Variants in EEPD1 observed in about 807,000 individuals in gnomAD.
EEPD1 encodes the protein endonuclease/exonuclease/phosphatase family domain containing 1.
A neutral mutation model predicts 46.3 loss-of-function variants in EEPD1; 17 were observed. That is an observed-to-expected ratio of 0.37 (90% CI 0.25 to 0.55). The LOEUF (loss-of-function observed/expected upper bound fraction) is 0.55, where lower values mean the gene tolerates loss of function less well. Ranked by LOEUF, EEPD1 falls within the 20% of genes least tolerant of loss-of-function variation. The probability of loss-of-function intolerance (pLI) is 0.83; values close to 1 mark genes in which losing one functional copy is unlikely to be tolerated. For missense variants in EEPD1, 673 were observed against 745.6 expected (o/e 0.90, Z 1.13); for synonymous variants, 313 against 315.6 (o/e 0.99, Z 0.09).
intron 2 of EEPD1, among the ~76,000 whole-genome samples, chr7:36,208,570 G>A (rs1444573565): frequency 6.6e-6 from 1 of 152,250 alleles, no homozygotes; most frequent in Non-Finnish European, 1.5e-5. Flanking sequence ...GTGGTCAGCA[G>A]TGGTGCCTGA....
At chr7:36,167,861 C>G (rs1201996090) in intron 2 of EEPD1, among the ~76,000 whole-genome samples, 2 of 152,008 alleles carry the variant, frequency 1.3e-5, no homozygotes, top group Non-Finnish European at 2.9e-5. Flanking sequence ...GATACAGGCA[C>G]GCGCCACCAC....
rs571933156 is a variant in EEPD1 at position 36,207,900 on chromosome 7, T to G, written c.879-31085T>G. Among the ~76,000 whole-genome samples the G allele has an allele frequency of 4.7e-3, 703 of 148,822 alleles. 5 individuals are homozygous for G. Among genetic ancestry groups the G allele is most frequent in the African/African-American group, 0.017 (655 of 38,840 alleles). On this transcript the variant is annotated intron_variant, in intron 2 of 7. Transcript: ENST00000242108. ...TCTCAGTGCAGGAGTTTTTTTTTTTTTTTTTTTTTTTAACCTAGACAGGGA... is the reference window on the plus strand; with the variant it reads ...TCTCAGTGCAGGAGTTTTTTTTTTTGTTTTTTTTTTTAACCTAGACAGGGA...
intron 2 of EEPD1, among the ~76,000 whole-genome samples, chr7:36,167,068 T>C (rs575017096): frequency 6.6e-6 from 1 of 152,322 alleles, no homozygotes; most frequent in East Asian, 1.9e-4. Flanking sequence ...CGTCTTCACA[T>C]GGTCTTTCCT....
chr7:36,258,879 G>A (rs1333427780), intron 3 of EEPD1, among the ~76,000 whole-genome samples: 4 of 142,036 alleles, frequency 2.8e-5, no homozygotes, highest in Non-Finnish European at 6.2e-5. Context: ...GGTGCCACTG[G>A]GGTATGAAAA....
chr7:36,292,142 CAT>C (rs879274524), intron 6 of EEPD1, among the ~76,000 whole-genome samples: 3 of 152,204 alleles, frequency 2.0e-5, no homozygotes, highest in Non-Finnish European at 2.9e-5. Context: ...GCCCACGCTA[CAT>C]GTGAGTGCCC....
At chr7:36,271,798 C>CCTATTCTATTCTATTCTATT (rs60205065) in intron 3 of EEPD1, among the ~76,000 whole-genome samples, 60 of 132,422 alleles carry the variant, frequency 4.5e-4, no homozygotes, top group African/African-American at 1.2e-3. Context: ...ACATAAGCCT[C>CCTATTCTATTCTATTCTATT]CTATTCTATT....
chr7:36,276,706 A>G (rs901898942), intron 3 of EEPD1, among the ~76,000 whole-genome samples: 3 of 152,256 alleles, frequency 2.0e-5, no homozygotes, highest in Non-Finnish European at 4.4e-5. Context: ...CTCAAACTGT[A>G]CTTTAGAATT....
intron 1 of EEPD1, 147 bp from the exon 2 acceptor site, chr7:36,153,986 C>A: frequency 2.8e-6 from 1 of 361,044 alleles, no homozygotes; most frequent in African/African-American, 2.1e-5. Flanking sequence ...TCCACATGGG[C>A]CTAGCCTCAT....
chr7:36,295,823 G>C (rs540480665), intron 6 of EEPD1, among the ~76,000 whole-genome samples: 21 of 152,188 alleles, frequency 1.4e-4, no homozygotes, highest in African/African-American at 5.1e-4. Flanking sequence ...TTGAGGTCAG[G>C]AGTTCGAGAT....
At chr7:36,274,833 G>A (rs11765384) in intron 3 of EEPD1, among the ~76,000 whole-genome samples, 81,394 of 151,980 alleles carry the variant, frequency 0.54, 22,211 homozygotes, top group South Asian at 0.59. Flanking sequence ...CTCCTGGCAC[G>A]CGGACACCCT....
chr7:36,269,273 A>G (rs1413018427), intron 3 of EEPD1, among the ~76,000 whole-genome samples: 1 of 152,246 alleles, frequency 6.6e-6, no homozygotes, highest in Non-Finnish European at 1.5e-5. Context: ...CTAGAGGGAA[A>G]AAATTAAGGT....
At chr7:36,246,280 T>G (rs1348244900) in intron 3 of EEPD1, among the ~76,000 whole-genome samples, 2 of 152,120 alleles carry the variant, frequency 1.3e-5, no homozygotes, top group Non-Finnish European at 2.9e-5. Flanking sequence ...GTTCATGCTG[T>G]GAGGGCAGTG....
chr7:36,176,086 C>T (rs576124224), intron 2 of EEPD1, among the ~76,000 whole-genome samples: 148 of 152,272 alleles, frequency 9.7e-4, no homozygotes, highest in Non-Finnish European at 1.7e-3. Context: ...CCCTGCCTCT[C>T]GCTGGGACTT....
chr7:36,279,025 AAG>A (rs1374264795), intron 3 of EEPD1, among the ~76,000 whole-genome samples: 1 of 152,224 alleles, frequency 6.6e-6, no homozygotes, highest in Admixed American at 6.5e-5. Flanking sequence ...TCTGTATGCA[AAG>A]AGTCAGGTTA....
intron 2 of EEPD1, among the ~76,000 whole-genome samples, chr7:36,216,675 T>C (rs958026300): frequency 6.6e-6 from 1 of 152,232 alleles, no homozygotes; most frequent in African/African-American, 2.4e-5. Flanking sequence ...TCAAAAAGAC[T>C]TATTAAATTA....
intron 2 of EEPD1, among the ~76,000 whole-genome samples, chr7:36,221,119 A>G (rs1786139867): frequency 6.6e-6 from 1 of 152,220 alleles, no homozygotes; most frequent in Admixed American, 6.5e-5. Flanking sequence ...AACTACACTG[A>G]ATTTGTAAAT....
chr7:36,160,119 T>A (rs920901625), intron 2 of EEPD1, among the ~76,000 whole-genome samples: 3 of 152,200 alleles, frequency 2.0e-5, no homozygotes, highest in Non-Finnish European at 4.4e-5. Context: ...CCAGGGGCTA[T>A]CCATTCCTTT....
rs1787538928 is a variant in EEPD1 at position 36,297,105 on chromosome 7, C to T, written c.1428C>T (p.Thr476=). 6.2e-7 allele frequency: 1 copy of T among 1,614,088 alleles called. No individual in the cohort carries two copies. The highest frequency in any genetic ancestry group is 1.7e-5 in the Admixed American group (1 of 60,008). Residue 476 remains threonine, a synonymous_variant, in exon 7 of 8, where the codon ACC becomes ACT. Coordinates refer to ENST00000242108, the MANE Select transcript of EEPD1 (RefSeq NM_030636.3). ...ACCTGATCCCCGCGCACACCTTCAC[C>T]AACATCAGCACCAAGAACCCTCAAG... ...FHHLIPAHTF[T]NISTKNPQGS...
At chr7:36,292,269 T>G (rs1787455672) in intron 6 of EEPD1, among the ~76,000 whole-genome samples, 5 of 152,196 alleles carry the variant, frequency 3.3e-5, no homozygotes. Flanking sequence ...AGCTGGGAAG[T>G]GACAAACTTC....
Sources: allele counts gnomAD v4.1 joint callset (sites outside exome capture counted in the v4.1 genomes callset), GRCh38; gene constraint gnomAD v4.1.1; transcripts MANE v1.5; gene names NCBI Gene and HGNC (gene_info 2026-07-23, HGNC 2026-07-21).